UNC13C: variants seen among roughly 807,000 people sequenced by gnomAD.
UNC13C encodes the protein protein unc-13 homolog C.
Under a neutral mutation model 245.4 loss-of-function variants are expected in UNC13C, and 174 were observed. That is an observed-to-expected ratio of 0.71 (90% CI 0.63 to 0.80). UNC13C has a LOEUF of 0.80. Ranked by LOEUF, UNC13C falls within the 30% of genes least tolerant of loss-of-function variation. The pLI is 0.00. For missense variants in UNC13C, 2,829 were observed against 2,602.9 expected (o/e 1.09, Z -1.89); for synonymous variants, 992 against 895.1 (o/e 1.11, Z -1.93).
intron 17 of UNC13C, among the ~76,000 whole-genome samples, chr15:54,358,891 C>G (rs998640742): frequency 2.6e-5 from 4 of 151,972 alleles, no homozygotes; most frequent in Admixed American, 6.6e-5. Flanking sequence ...TATTTTGTTC[C>G]ATAACTTAGA....
At chr15:54,305,049 G>A (rs1482134914) in intron 13 of UNC13C, among the ~76,000 whole-genome samples, 2 of 151,968 alleles carry the variant, frequency 1.3e-5, no homozygotes, top group Non-Finnish European at 2.9e-5. Context: ...TCTATTCCAC[G>A]ACTTACAAAT....
At chr15:54,575,608 GA>G (rs1300735983) in intron 30 of UNC13C, among the ~76,000 whole-genome samples, 1 of 151,142 alleles carries the variant, frequency 6.6e-6, no homozygotes, top group Non-Finnish European at 1.5e-5. Flanking sequence ...GGCCACCGCT[GA>G]AATTTCAACT....
At chr15:53,852,544 C>G in the UNC13C span, among the ~76,000 whole-genome samples, 1 of 152,108 alleles carries the variant, frequency 6.6e-6, no homozygotes, top group Non-Finnish European at 1.5e-5. Flanking sequence ...TCTGCATATT[C>G]TATATCTGTG....
intron 2 of UNC13C, among the ~76,000 whole-genome samples, chr15:54,021,237 T>C (rs1422398096): frequency 6.6e-6 from 1 of 152,188 alleles, no homozygotes; most frequent in Non-Finnish European, 1.5e-5. Flanking sequence ...TACAATGTTA[T>C]TATTGACTGT....
chr15:54,586,037 C>T (rs1470898805), intron 30 of UNC13C, among the ~76,000 whole-genome samples: 1 of 152,152 alleles, frequency 6.6e-6, no homozygotes, highest in Non-Finnish European at 1.5e-5. Flanking sequence ...TCCTACAGAA[C>T]CTGATAAATA....
intron 30 of UNC13C, among the ~76,000 whole-genome samples, chr15:54,610,944 T>G (rs887868310): frequency 1.8e-4 from 27 of 152,362 alleles, no homozygotes; most frequent in Admixed American, 1.5e-3. Context: ...TAAAAAAATT[T>G]TAGACAACTA....
intron 4 of UNC13C, among the ~76,000 whole-genome samples, chr15:54,201,991 C>T (rs1338543110): frequency 6.6e-6 from 1 of 151,890 alleles, no homozygotes; most frequent in Non-Finnish European, 1.5e-5. Context: ...TCAATGTACA[C>T]AAATTGGTAG....
chr15:54,264,097 T>G (rs780392675), intron 8 of UNC13C, 71 bp from the exon 9 acceptor site: 1 of 1,459,114 alleles, frequency 6.9e-7, no homozygotes, highest in South Asian at 1.2e-5. Flanking sequence ...CCTCCTCCTT[T>G]TCCTCCCTCC....
chr15:54,379,605 G>A (rs977784282), intron 17 of UNC13C, among the ~76,000 whole-genome samples: 24 of 152,112 alleles, frequency 1.6e-4, no homozygotes, highest in African/African-American at 5.1e-4. Flanking sequence ...AAATTTGCAG[G>A]CCATATTTTC....
chr15:54,266,509 A>G lies in UNC13C; in HGVS notation c.3818+1013A>G, dbSNP rs139444039. Reference sequence around the variant, plus strand: ...AAGGAACAACAAAGGGGAGGGATGAAGACTATGGAAAACTGGAAAACAGGT... The same window carrying G: ...AAGGAACAACAAAGGGGAGGGATGAGGACTATGGAAAACTGGAAAACAGGT... On this transcript the variant is annotated intron_variant, in intron 10 of 32. Coordinates refer to ENST00000260323, the MANE Select transcript of UNC13C (RefSeq NM_001080534.3). 2.0e-5 allele frequency among the ~76,000 whole-genome samples: 3 copies of G among 152,116 alleles called. No individual in the cohort carries two copies. In the East Asian group the frequency reaches 5.8e-4, roughly 29 times the overall value.
At chr15:54,519,000 C>T (rs1039481904) in intron 24 of UNC13C, among the ~76,000 whole-genome samples, 1 of 152,060 alleles carries the variant, frequency 6.6e-6, no homozygotes, top group African/African-American at 2.4e-5. Flanking sequence ...TGAACATTCT[C>T]AGAAGAGAAT....
intron 31 of UNC13C, 98 bp downstream of exon 31, chr15:54,622,517 A>G: frequency 2.0e-6 from 2 of 1,004,064 alleles, no homozygotes; most frequent in Non-Finnish European, 3.0e-6. Context: ...AAAAAACTGC[A>G]CAATTATTTT....
the UNC13C span, among the ~76,000 whole-genome samples, chr15:53,932,771 T>A: frequency 6.6e-6 from 1 of 152,240 alleles, no homozygotes; most frequent in Non-Finnish European, 1.5e-5. Flanking sequence ...GAGCTTTTGA[T>A]TCTAAGCCCT....
In UNC13C at chr15:54,101,230, G is replaced by T. The variant is rs535538219; in HGVS notation, c.2984-41788G>T. Among the ~76,000 whole-genome samples, 25 of 151,200 alleles carry T rather than the reference G, an allele frequency of 1.7e-4. 1 individual carries two copies. In the South Asian group the frequency reaches 5.0e-3, roughly 30 times the overall value. ...GGTTCCTTTTTTTTCTTGATTTTTAGTTATTTGGCTGGTAGCACAGAGACA... is the reference window on the plus strand; with the variant it reads ...GGTTCCTTTTTTTTCTTGATTTTTATTTATTTGGCTGGTAGCACAGAGACA... On this transcript the variant is annotated intron_variant, in intron 2 of 32. Coordinates refer to ENST00000260323, the MANE Select transcript of UNC13C (RefSeq NM_001080534.3).
At chr15:54,053,302 G>A (rs1478350376) in intron 2 of UNC13C, among the ~76,000 whole-genome samples, 1 of 152,092 alleles carries the variant, frequency 6.6e-6, no homozygotes, top group Non-Finnish European at 1.5e-5. Context: ...AAAGTGTTGG[G>A]ATTACAGGCA....
In UNC13C at chr15:54,452,615, C is replaced by T. The variant is rs892471142; in HGVS notation, c.4933+37548C>T. On this transcript the variant is annotated intron_variant, in intron 19 of 32. Transcript: ENST00000260323. ...GTTGGAGAAAGCCAGGTTGGGAAAA[C>T]CTGTCCTCAGATTTCCCCATGGTGC... Among the ~76,000 whole-genome samples, 3 of 152,192 alleles carry T rather than the reference C, an allele frequency of 2.0e-5. No homozygotes were observed. In the East Asian group the frequency reaches 5.8e-4, roughly 29 times the overall value.
the UNC13C span, among the ~76,000 whole-genome samples, chr15:53,964,411 C>T: frequency 6.6e-6 from 1 of 152,176 alleles, no homozygotes; most frequent in Non-Finnish European, 1.5e-5. Context: ...ATTTTTACAG[C>T]TACTTGCACA....
chr15:54,493,935 T>C (rs1300463533), intron 19 of UNC13C, among the ~76,000 whole-genome samples: 1 of 152,122 alleles, frequency 6.6e-6, no homozygotes, highest in East Asian at 1.9e-4. Context: ...CTGCTAAGAA[T>C]GTATCAAAAA....
At chr15:54,136,977 G>A (rs546328283) in intron 2 of UNC13C, among the ~76,000 whole-genome samples, 1 of 151,906 alleles carries the variant, frequency 6.6e-6, no homozygotes, top group South Asian at 2.1e-4. Flanking sequence ...GCTGGGAGTA[G>A]AGGTGTACAC....
Sources: allele counts gnomAD v4.1 joint callset (sites outside exome capture counted in the v4.1 genomes callset), GRCh38; gene constraint gnomAD v4.1.1; transcripts MANE v1.5; gene names NCBI Gene and HGNC (gene_info 2026-07-23, HGNC 2026-07-21).